The following ATRNL1 variants were observed in gnomAD, a reference collection of about 807,000 sequenced individuals.
The protein encoded by ATRNL1 is attractin like 1, also known as attractin-like protein 1.
ATRNL1 carries 95 observed loss-of-function variants against 182.7 expected under a neutral mutation model. The observed-to-expected ratio is 0.52, with a 90% CI of 0.44 to 0.62. The LOEUF (loss-of-function observed/expected upper bound fraction) is 0.62. Among genes scored for constraint, ATRNL1 ranks in the 20% least tolerant of loss-of-function variants. ATRNL1 has a pLI of 0.00. For missense variants in ATRNL1, 1,471 were observed against 1,679.5 expected (o/e 0.88, Z 2.17); for synonymous variants, 576 against 568.3 (o/e 1.01, Z -0.19).
intron 28 of ATRNL1, among the ~76,000 whole-genome samples, chr10:115,937,930 G>A (rs1022074848): frequency 5.9e-5 from 9 of 152,138 alleles, no homozygotes; most frequent in East Asian, 1.9e-4. Flanking sequence ...ACCTGGCACC[G>A]TTCCCTGAAC....
At chr10:115,128,557 T>G in intron 4 of ATRNL1, 1 of 331,438 alleles carries the variant, frequency 3.0e-6, no homozygotes, top group Non-Finnish European at 4.3e-6. Context: ...AATCACATGG[T>G]GGCTCACGCC....
At chr10:115,843,871 A>C (rs1555097988) in intron 27 of ATRNL1, among the ~76,000 whole-genome samples, 3 of 152,088 alleles carry the variant, frequency 2.0e-5, no homozygotes, top group African/African-American at 7.2e-5. Flanking sequence ...AAAGTTAAGC[A>C]TACAAGCTCA....
At chr10:115,417,910 C>T (rs1845473048) in intron 20 of ATRNL1, among the ~76,000 whole-genome samples, 1 of 152,132 alleles carries the variant, frequency 6.6e-6, no homozygotes, top group Admixed American at 6.5e-5. Context: ...AGTCAGTCCC[C>T]TTAGAAACTC....
chr10:115,630,827 T>TACACACAC (rs199640218), intron 26 of ATRNL1, among the ~76,000 whole-genome samples: 227 of 129,838 alleles, frequency 1.7e-3, no homozygotes, highest in East Asian at 2.4e-3. Context: ...ATATGTATTA[T>TACACACAC]ACACACACAC....
chr10:115,699,172 TAA>T (rs1946656211), intron 26 of ATRNL1, among the ~76,000 whole-genome samples: 2 of 152,162 alleles, frequency 1.3e-5, no homozygotes, highest in South Asian at 4.1e-4. Flanking sequence ...AAAGATCTAG[TAA>T]AGTCATCAAT....
At chr10:115,524,437 A>C (rs575654447) in intron 25 of ATRNL1, among the ~76,000 whole-genome samples, 20 of 152,360 alleles carry the variant, frequency 1.3e-4, no homozygotes, top group African/African-American at 4.6e-4. Context: ...AAAATGGAAA[A>C]GTAGATGTAT....
At chr10:115,718,952 C>G (rs538292007) in intron 26 of ATRNL1, among the ~76,000 whole-genome samples, 1 of 152,236 alleles carries the variant, frequency 6.6e-6, no homozygotes, top group East Asian at 1.9e-4. Context: ...TCACCCCATA[C>G]ATCAGTTACT....
intron 6 of ATRNL1, among the ~76,000 whole-genome samples, chr10:115,163,119 C>T (rs1846873867): frequency 6.7e-6 from 1 of 149,744 alleles, no homozygotes; most frequent in Non-Finnish European, 1.5e-5. Context: ...GTTTATAACA[C>T]CATGTTTGTG....
intron 28 of ATRNL1, among the ~76,000 whole-genome samples, chr10:115,874,694 A>T (rs1178109450): frequency 2.0e-5 from 3 of 152,184 alleles, no homozygotes; most frequent in African/African-American, 7.2e-5. Flanking sequence ...TGAGATTTCC[A>T]AGTGATAGAA....
chr10:115,656,183 A>G (rs1424725001), intron 26 of ATRNL1, among the ~76,000 whole-genome samples: 2 of 152,202 alleles, frequency 1.3e-5, no homozygotes, highest in African/African-American at 4.8e-5. Context: ...ATTAAAACAA[A>G]TACTTTGTAA....
At chr10:115,232,183 C>T (rs1325057843) in intron 9 of ATRNL1, among the ~76,000 whole-genome samples, 1 of 152,122 alleles carries the variant, frequency 6.6e-6, no homozygotes, top group African/African-American at 2.4e-5. Flanking sequence ...TATACTCCAG[C>T]CTCATCTTAC....
rs375805765 is a variant in ATRNL1 at position 115,315,659 on chromosome 10, A to G, written c.2960A>G (p.His987Arg). ...SRGPMKLIGM[H>R]HSEMVLDTNL... The stretch of plus-strand genomic sequence containing the variant: ...GGACCAATGAAGCTTATTGGAATGC[A>G]CCACAGTGAGATGGTTCTTGACACC... The change falls in exon 18 of 29, where the codon CAC becomes CGC. Residue 987 changes from histidine (H) to arginine (R), a missense_variant. This residue lies in a region of ATRNL1 where 437 missense variants were observed against 506.0 expected (regional missense o/e 0.86). Coordinates refer to ENST00000355044, the MANE Select transcript of ATRNL1 (RefSeq NM_207303.4). 60 of 1,613,818 alleles carry G rather than the reference A, an allele frequency of 3.7e-5. No homozygotes were observed. The highest frequency in any genetic ancestry group is 4.9e-5 in the Non-Finnish European group (58 of 1,179,958).
At chr10:115,375,233 CT>C (rs531161903) in intron 19 of ATRNL1, among the ~76,000 whole-genome samples, 218 of 151,156 alleles carry the variant, frequency 1.4e-3, no homozygotes, top group African/African-American at 4.9e-3. Context: ...ACCTAATGAC[CT>C]TCTTTTTGTC....
At chr10:115,124,731 A>G (rs1262659542) in intron 3 of ATRNL1, among the ~76,000 whole-genome samples, 2 of 152,164 alleles carry the variant, frequency 1.3e-5, no homozygotes, top group Non-Finnish European at 2.9e-5. Flanking sequence ...GAGTCACCTC[A>G]TTGGCATAAA....
intron 13 of ATRNL1, among the ~76,000 whole-genome samples, chr10:115,271,756 G>T (rs1851877618): frequency 6.6e-6 from 1 of 152,090 alleles, no homozygotes; most frequent in Non-Finnish European, 1.5e-5. Context: ...TTCTTGAAGG[G>T]TCATTCTTCA....
At chr10:115,566,644 C>T (rs558555990) in intron 26 of ATRNL1, among the ~76,000 whole-genome samples, 2 of 152,118 alleles carry the variant, frequency 1.3e-5, no homozygotes, top group Non-Finnish European at 2.9e-5. Context: ...AAATTATAAC[C>T]TCTATGGACT....
chr10:115,218,734 G>C (rs1388107159), intron 9 of ATRNL1, among the ~76,000 whole-genome samples: 9 of 152,178 alleles, frequency 5.9e-5, no homozygotes, highest in African/African-American at 2.2e-4. Flanking sequence ...GAATGCAGTT[G>C]TTATTCTCTC....
At chr10:115,579,932 A>G (rs924134198) in intron 26 of ATRNL1, among the ~76,000 whole-genome samples, 6 of 152,098 alleles carry the variant, frequency 3.9e-5, no homozygotes, top group South Asian at 2.1e-4. Context: ...TCTAATAGTT[A>G]TAACAGTCTC....
At chr10:115,187,637 A>G (rs1303843591) in intron 8 of ATRNL1, among the ~76,000 whole-genome samples, 1 of 150,094 alleles carries the variant, frequency 6.7e-6, no homozygotes, top group African/African-American at 2.4e-5. Context: ...GATAATTGCA[A>G]TATGGTTATG....
Sources: allele counts gnomAD v4.1 joint callset (sites outside exome capture counted in the v4.1 genomes callset), GRCh38; gene constraint gnomAD v4.1.1; regional missense constraint gnomAD v4.1.1; transcripts MANE v1.5; gene names NCBI Gene and HGNC (gene_info 2026-07-23, HGNC 2026-07-21).